The following PTPDC1 variants were observed in gnomAD, a reference collection of about 807,000 sequenced individuals.
PTPDC1 encodes the protein protein tyrosine phosphatase domain containing 1.
Under a neutral mutation model 75.3 loss-of-function variants are expected in PTPDC1, and 53 were observed. The observed-to-expected ratio is 0.70, with a 90% confidence interval of 0.56 to 0.88. PTPDC1 has a LOEUF of 0.88. PTPDC1 is among the 40% of genes least tolerant of loss of function. The probability of loss-of-function intolerance (pLI) is 0.00; values close to 1 mark genes in which losing one functional copy is unlikely to be tolerated. For synonymous variants in PTPDC1, 349 were observed against 366.2 expected (o/e 0.95, Z 0.54); for missense variants, 925 against 998.6 (o/e 0.93, Z 0.99).
Position 94,098,031 on chromosome 9 carries a change from A to G in PTPDC1, c.1465A>G (p.Ile489Val). 6.2e-7 allele frequency: 1 copy of G among 1,614,190 alleles called. No individual in the cohort carries two copies. The highest frequency in any genetic ancestry group is 8.5e-7 in the Non-Finnish European group (1 of 1,180,042). ...GCAGAAGCTCATAAGCCATTGTTAC[A>G]TCCCACAGTCTCCAGAACCAGACTT... ...RQQKLISHCY[I>V]PQSPEPDLHK... The change falls in exon 6 of 9, where the codon ATC (isoleucine) becomes GTC (valine). Residue 489 changes from isoleucine to valine, a missense_variant. Ile to Val is a conservative substitution (Grantham distance 29). Coordinates refer to ENST00000620992, the MANE Select transcript of PTPDC1 (RefSeq NM_001253829.2).
At position 94,097,372 on chromosome 9, in the gene PTPDC1, A is replaced by G. The variant is rs1827621196; in HGVS notation, c.806A>G (p.Gln269Arg). ...LVFATRMTAD[Q>R]AIIFVRAKRP... The stretch of plus-strand genomic sequence containing the variant: ...TTTGCAACGAGAATGACTGCTGACC[A>G]AGCAATTATATTTGTGCGGGCAAAG... Residue 269 changes from glutamine to arginine, a missense_variant, in exon 6 of 9, where the codon CAA (glutamine) becomes CGA (arginine). Transcript: ENST00000620992. 4 of 1,613,716 alleles carry G rather than the reference A, an allele frequency of 2.5e-6. No individual in the cohort carries two copies. In the East Asian group the frequency reaches 6.7e-5, roughly 27 times the overall value.
intron 4 of PTPDC1, among the ~76,000 whole-genome samples, chr9:94,092,333 C>T (rs866960652): frequency 0.01 from 1,426 of 141,408 alleles, 9 homozygotes; most frequent in Non-Finnish European, 0.015. Flanking sequence ...GCCTTCATTT[C>T]GTTATGTACC....
At chr9:94,046,493 C>T (rs1825603993) in intron 1 of PTPDC1, among the ~76,000 whole-genome samples, 1 of 152,110 alleles carries the variant, frequency 6.6e-6, no homozygotes, top group Admixed American at 6.6e-5. Flanking sequence ...AATGTTCTTC[C>T]ATTTGTTTGT....
At chr9:94,064,970 C>A (rs1314826048) in intron 2 of PTPDC1, 1 of 621,420 alleles carries the variant, frequency 1.6e-6, no homozygotes, top group Middle Eastern at 2.9e-4. Flanking sequence ...CCATCTTGGC[C>A]TGTTAGAATT....
chr9:94,044,990 C>T (rs1179014806), intron 1 of PTPDC1, among the ~76,000 whole-genome samples: 3 of 80,402 alleles, frequency 3.7e-5, no homozygotes, highest in African/African-American at 1.5e-4. Flanking sequence ...CTATCCCTCC[C>T]CCCTCCCCCC....
intron 1 of PTPDC1, among the ~76,000 whole-genome samples, chr9:94,048,128 A>C (rs1825673201): frequency 6.6e-6 from 1 of 151,992 alleles, no homozygotes; most frequent in Admixed American, 6.5e-5. Flanking sequence ...GCGGTCTATC[A>C]ATTTTGTTGA....
intron 1 of PTPDC1, among the ~76,000 whole-genome samples, chr9:94,050,159 A>G (rs1320323802): frequency 6.6e-6 from 1 of 151,352 alleles, no homozygotes; most frequent in African/African-American, 2.4e-5. Context: ...ATGGGTTTGA[A>G]CTTCCTCCTT....
intron 5 of PTPDC1, among the ~76,000 whole-genome samples, chr9:94,096,936 A>G (rs1173922760): frequency 4.6e-5 from 7 of 152,198 alleles, no homozygotes; most frequent in Admixed American, 4.6e-4. Flanking sequence ...CAGAGTGGAA[A>G]ATAGAAACAG....
At chr9:94,034,137 A>G (rs1829779154) in intron 1 of PTPDC1, among the ~76,000 whole-genome samples, 1 of 152,240 alleles carries the variant, frequency 6.6e-6, no homozygotes, top group Non-Finnish European at 1.5e-5. Context: ...TGGTAAGAAA[A>G]TATGTTCCTC....
At chr9:94,044,041 A>G (rs1046970827) in intron 1 of PTPDC1, among the ~76,000 whole-genome samples, 4 of 152,066 alleles carry the variant, frequency 2.6e-5, no homozygotes, top group Admixed American at 2.6e-4. Context: ...TTGCCCCTCT[A>G]TATTTATTGT....
chr9:94,089,261 G>C (rs964796153), intron 4 of PTPDC1, among the ~76,000 whole-genome samples: 19 of 135,686 alleles, frequency 1.4e-4, no homozygotes, highest in African/African-American at 4.8e-4. Flanking sequence ...CCCAGAGTGT[G>C]ATATTCCCCT....
Position 94,087,860 on chromosome 9 carries a change from G to T in PTPDC1, c.446G>T (p.Arg149Leu). The part of the protein sequence containing the change: ...WVTDNILAMA[R>L]PSSELLEKYH... Reference sequence around the variant, plus strand: ...ACTGATAATATACTGGCCATGGCCCGCCCATCCTCTGAGCTCCTGGAGAAG... The same window carrying T: ...ACTGATAATATACTGGCCATGGCCCTCCCATCCTCTGAGCTCCTGGAGAAG... Residue 149 changes from arginine to leucine, a missense_variant, in exon 3 of 9, where the codon CGC becomes CTC. Coordinates refer to ENST00000620992, the MANE Select transcript of PTPDC1 (RefSeq NM_001253829.2). The T allele has an allele frequency of 1.9e-6, 3 of 1,613,786 alleles. No individual in the cohort carries two copies. The highest frequency in any genetic ancestry group is 2.5e-6 in the Non-Finnish European group (3 of 1,179,746).
chr9:94,069,772 C>A (rs1325518203), intron 2 of PTPDC1, among the ~76,000 whole-genome samples: 1 of 151,416 alleles, frequency 6.6e-6, no homozygotes, highest in Non-Finnish European at 1.5e-5. Flanking sequence ...GCTTCAACCT[C>A]CCAAAGTGCT....
intron 1 of PTPDC1, among the ~76,000 whole-genome samples, chr9:94,034,943 T>A (rs1825215557): frequency 6.6e-6 from 1 of 152,188 alleles, no homozygotes; most frequent in South Asian, 2.1e-4. Flanking sequence ...CTCACGTACT[T>A]ATTTTTTGTG....
At chr9:94,080,475 C>T (rs1044485902), upstream of PTPDC1, among the ~76,000 whole-genome samples, 7 of 152,046 alleles carry the variant, frequency 4.6e-5, no homozygotes, top group African/African-American at 1.7e-4. Context: ...GCATAATATC[C>T]ATATTCTTTA....
At chr9:94,033,680 GTTTTTTTCCT>G (rs1564005333) in intron 1 of PTPDC1, among the ~76,000 whole-genome samples, 1 of 152,072 alleles carries the variant, frequency 6.6e-6, no homozygotes, top group African/African-American at 2.4e-5. Flanking sequence ...ATTAATATTA[GTTTTTTTCCT>G]CTCTCACTCT....
At chr9:94,077,775 A>C (rs1826743794) in intron 2 of PTPDC1, among the ~76,000 whole-genome samples, 1 of 152,198 alleles carries the variant, frequency 6.6e-6, no homozygotes, top group African/African-American at 2.4e-5. Flanking sequence ...CCTCCCCAGA[A>C]GCTGGATTTG....
intron 5 of PTPDC1, among the ~76,000 whole-genome samples, chr9:94,096,288 A>G (rs1827565850): frequency 6.6e-6 from 1 of 152,186 alleles, no homozygotes; most frequent in Non-Finnish European, 1.5e-5. Flanking sequence ...GCTTGAGATT[A>G]GTAGCTCTTA....
intron 2 of PTPDC1, among the ~76,000 whole-genome samples, chr9:94,069,983 C>T (rs1441481446): frequency 6.6e-6 from 1 of 151,970 alleles, no homozygotes; most frequent in Non-Finnish European, 1.5e-5. Flanking sequence ...CGCCACCACG[C>T]CCGGCTAATT....
Sources: gnomAD v4.1 joint callset for allele counts (sites outside exome capture counted in the v4.1 genomes callset) on GRCh38, gnomAD v4.1.1 for gene constraint, MANE v1.5 for transcripts, NCBI Gene and HGNC (gene_info 2026-07-23, HGNC 2026-07-21) for gene names.